Variants in LIN28B observed in about 807,000 individuals in gnomAD.
LIN28B encodes lin-28 RNA binding posttranscriptional regulator B.
Under a neutral mutation model 21.9 loss-of-function variants are expected in LIN28B, and 5 were observed. The ratio of observed to expected loss-of-function variants is 0.23; its 90% CI spans 0.12 to 0.48. The LOEUF (loss-of-function observed/expected upper bound fraction) is 0.48. Among genes scored for constraint, LIN28B ranks in the 20% least tolerant of loss-of-function variants. LIN28B has a pLI of 0.98. For missense variants in LIN28B, 245 were observed against 310.5 expected, an observed-to-expected ratio of 0.79 and a Z score of 1.58; for synonymous variants, 109 against 111.3, an observed-to-expected ratio of 0.98 and a Z score of 0.13.
At chr6:105,066,735 A>G (rs1772227062) in intron 3 of LIN28B, among the ~76,000 whole-genome samples, 1 of 152,052 alleles carries the variant, frequency 6.6e-6, no homozygotes, top group African/African-American at 2.4e-5. Context: ...TGCCTCACTT[A>G]TCAGGTAATC....
chr6:105,057,280 C>G (rs1277628785), intron 3 of LIN28B, among the ~76,000 whole-genome samples: 3 of 152,122 alleles, frequency 2.0e-5, no homozygotes, highest in Non-Finnish European at 4.4e-5. Flanking sequence ...TCTCTAAGGT[C>G]TTTTTATATA....
chr6:105,077,854 T>C (rs1337465919), intron 3 of LIN28B, among the ~76,000 whole-genome samples: 2 of 152,214 alleles, frequency 1.3e-5, no homozygotes, highest in Non-Finnish European at 2.9e-5. Context: ...TTCACTGCAT[T>C]ACTTAATTTT....
At position 105,053,714 on chromosome 6, in the gene LIN28B, C is replaced by CGTGTGTGTGTGTGTGT. The variant is rs59369365; in HGVS notation, c.384-24685_384-24670dup. On this transcript the variant is annotated intron_variant, in intron 3 of 3. Transcript: ENST00000345080. The stretch of plus-strand genomic sequence containing the variant: ...TGTTTGTATGGTGTGTGTGTGGGTG[C>CGTGTGTGTGTGTGTGT]GTGTGTGTGTGTGTGTGTGTGTGTG... 1.5e-3 allele frequency among the ~76,000 whole-genome samples: 216 copies of CGTGTGTGTGTGTGTGT among 147,384 alleles called. 1 individual carries two copies. The highest frequency in any genetic ancestry group is 5.1e-3 in the African/African-American group (203 of 39,548).
At chr6:105,004,814 G>T (rs912505000) in intron 2 of LIN28B, among the ~76,000 whole-genome samples, 4 of 152,122 alleles carry the variant, frequency 2.6e-5, no homozygotes, top group African/African-American at 9.7e-5. Flanking sequence ...GCCAATTTTT[G>T]TTGTTGTTGT....
chr6:105,031,603 G>C (rs779457471), intron 3 of LIN28B, among the ~76,000 whole-genome samples: 33 of 148,568 alleles, frequency 2.2e-4, no homozygotes, highest in Admixed American at 4.7e-4. Flanking sequence ...GCGCAGTCTT[G>C]GCTCACTGCA....
At chr6:104,969,083 A>G (rs1769920351) in intron 2 of LIN28B, among the ~76,000 whole-genome samples, 1 of 152,174 alleles carries the variant, frequency 6.6e-6, no homozygotes, top group Non-Finnish European at 1.5e-5. Flanking sequence ...AGTGTAAGCC[A>G]TACATTTTTT....
At position 105,078,704 on chromosome 6, in the gene LIN28B, C is replaced by G; in HGVS notation, c.674C>G (p.Ala225Gly). The G allele has an allele frequency of 6.2e-7, 1 of 1,614,132 alleles. No homozygotes were observed. Among genetic ancestry groups the G allele is most frequent in the Non-Finnish European group, 8.5e-7 (1 of 1,180,014 alleles). ...CGGTCAGGCAGGTCACCTCAAGAAG[C>G]TTCCTCCACGAAGTCATCTATAGCA... is the stretch of plus-strand genomic sequence containing the variant. ...SERSGRSPQE[A>G]SSTKSSIAPE... Residue 225 changes from alanine (A) to glycine (G), a missense_variant, in exon 4 of 4, where the codon GCT becomes GGT. Physicochemically the swap from Ala to Gly is moderately conservative, Grantham distance 60. Coordinates refer to ENST00000345080, the MANE Select transcript of LIN28B (RefSeq NM_001004317.4).
chr6:104,993,185 G>T (rs572713032), intron 2 of LIN28B, among the ~76,000 whole-genome samples: 1 of 152,230 alleles, frequency 6.6e-6, no homozygotes, highest in South Asian at 2.1e-4. Flanking sequence ...TAGTTTTGCT[G>T]TTGGGGCCCA....
At chr6:105,034,397 A>G (rs1771484558) in intron 3 of LIN28B, among the ~76,000 whole-genome samples, 1 of 151,762 alleles carries the variant, frequency 6.6e-6, no homozygotes, top group Non-Finnish European at 1.5e-5. Context: ...AAGCTTTTTG[A>G]TTTTCTACAT....
intron 3 of LIN28B, among the ~76,000 whole-genome samples, chr6:105,071,847 C>G (rs1772339359): frequency 6.6e-6 from 1 of 152,024 alleles, no homozygotes; most frequent in South Asian, 2.1e-4. Context: ...GCTTAAAATT[C>G]CAATTTATAA....
intron 2 of LIN28B, among the ~76,000 whole-genome samples, chr6:104,983,853 G>T (rs1289158417): frequency 6.6e-6 from 1 of 152,170 alleles, no homozygotes; most frequent in African/African-American, 2.4e-5. Flanking sequence ...TGGAATTACA[G>T]GTGTGAGCCA....
chr6:104,946,342 T>A (rs933768225), intron 2 of LIN28B, among the ~76,000 whole-genome samples: 1 of 152,138 alleles, frequency 6.6e-6, no homozygotes, highest in Non-Finnish European at 1.5e-5. Context: ...CAGCTACATC[T>A]ATGATTAAAG....
chr6:105,055,281 A>G (rs1408496566), intron 3 of LIN28B, among the ~76,000 whole-genome samples: 1 of 152,142 alleles, frequency 6.6e-6, no homozygotes, highest in African/African-American at 2.4e-5. Context: ...CTGAGATTCT[A>G]ATTACATATA....
intron 2 of LIN28B, chr6:104,940,392 G>A (rs1441485141): frequency 4.5e-5 from 7 of 155,084 alleles, no homozygotes; most frequent in Non-Finnish European, 8.8e-5. Flanking sequence ...CGCGCGGAGA[G>A]CCGGGAGTCA....
chr6:104,971,615 C>G (rs1582871647), intron 2 of LIN28B, among the ~76,000 whole-genome samples: 1 of 152,122 alleles, frequency 6.6e-6, no homozygotes, highest in Non-Finnish European at 1.5e-5. Context: ...ATCAACCTTT[C>G]AAGAACTAGG....
intron 3 of LIN28B, among the ~76,000 whole-genome samples, chr6:105,050,691 TCTG>T (rs1331802743): frequency 6.7e-6 from 1 of 148,550 alleles, no homozygotes; most frequent in African/African-American, 2.5e-5. Flanking sequence ...TGCCGAGAGA[TCTG>T]CTGTTAGTCT....
chr6:105,078,386 A>C (rs185938115), intron 3 of LIN28B, 28 bp from the exon 4 acceptor site: 96 of 1,571,496 alleles, frequency 6.1e-5, no homozygotes, highest in Non-Finnish European at 7.7e-5. Context: ...GCCTACTTCT[A>C]AGATGTTTTC....
rs555069297 is a variant in LIN28B, at chr6:104,968,185, C to G, written c.198+9899C>G. On this transcript the variant is annotated intron_variant, in intron 2 of 3. Coordinates refer to ENST00000345080, the MANE Select transcript of LIN28B (RefSeq NM_001004317.4). The stretch of plus-strand genomic sequence containing the variant: ...TAGCAAAATTTAAAATAAGTTTTTT[C>G]CAGTTAATTCTCATTGTTTGCATAT... 4.6e-5 allele frequency among the ~76,000 whole-genome samples: 7 copies of G among 152,172 alleles called. No homozygotes were observed. In the East Asian group the frequency reaches 1.2e-3, roughly 25 times the overall value.
At chr6:105,078,352 A>G in intron 3 of LIN28B, 62 bp from the exon 4 acceptor site, 1 of 1,467,812 alleles carries the variant, frequency 6.8e-7, no homozygotes, top group Non-Finnish European at 9.2e-7. Flanking sequence ...TTCACATTTT[A>G]AAATGTGTTT....
Sources: gnomAD v4.1 joint callset for allele counts (sites outside exome capture counted in the v4.1 genomes callset) on GRCh38, gnomAD v4.1.1 for gene constraint, MANE v1.5 for transcripts, NCBI Gene and HGNC (gene_info 2026-07-23, HGNC 2026-07-21) for gene names.